ZNF575: variants seen among roughly 807,000 people sequenced by gnomAD.
The protein encoded by ZNF575 is zinc finger protein 575.
ZNF575 carries 17 observed loss-of-function variants against 17.5 expected under a neutral mutation model. The ratio of observed to expected loss-of-function variants is 0.97; its 90% confidence interval spans 0.66 to 1.45. The LOEUF (loss-of-function observed/expected upper bound fraction) is 1.45. Among genes scored for constraint, ZNF575 ranks in the 40% most tolerant of loss-of-function variants. The probability of loss-of-function intolerance (pLI) is 0.00; values close to 1 mark genes in which losing one functional copy is unlikely to be tolerated. For missense variants in ZNF575, 352 were observed against 359.2 expected (o/e 0.98, Z 0.16); for synonymous variants, 146 against 158.3 (o/e 0.92, Z 0.58).
chr19:43,531,888 C>A, upstream of ZNF575: 1 of 662,380 alleles, frequency 1.5e-6, no homozygotes, highest in Non-Finnish European at 2.7e-6. Flanking sequence ...TGGGTGAGTC[C>A]CCACTCCCTA....
At chr19:43,533,020 T>C (rs1221693139), upstream of ZNF575, 1 of 146,656 alleles carries the variant, frequency 6.8e-6, no homozygotes, top group South Asian at 2.2e-4. Flanking sequence ...TGAAACTGCC[T>C]CTGGAGATGG....
intron 2 of ZNF575, 87 bp from the exon 3 acceptor site, chr19:43,534,250 G>A: frequency 3.3e-6 from 2 of 611,664 alleles, no homozygotes; most frequent in South Asian, 4.0e-5. Flanking sequence ...TGTGCTCTTA[G>A]GCTCCGCCTC....
At chr19:43,532,487 T>C (rs1335180289), upstream of ZNF575, among the ~76,000 whole-genome samples, 4 of 152,160 alleles carry the variant, frequency 2.6e-5, no homozygotes, top group Non-Finnish European at 5.9e-5. Context: ...CGCTCCATTT[T>C]ATAGATGAGG....
intron 3 of ZNF575, 43 bp downstream of exon 3, chr19:43,534,544 CG>C (rs937232880): frequency 7.2e-7 from 1 of 1,393,488 alleles, no homozygotes; most frequent in African/African-American, 1.5e-5. Flanking sequence ...TCTCCAGGAA[CG>C]GGGGCCAAAA....
rs934383437 is a variant in ZNF575, at chr19:43,534,440, G to C, written c.18G>C (p.Ala6=). The change falls in exon 3 of 4, where the codon GCG becomes GCC. Residue 6 remains alanine, a synonymous_variant. Coordinates refer to ENST00000314228, the MANE Select transcript of ZNF575 (RefSeq NM_174945.3). ...CCAGCAAGATGCTGGAGCGAGGCGC[G>C]GAGTCCGCGGCCGGGGCTACCGATC... MLERG[A]ESAAGATDPS... 3.9e-6 allele frequency: 6 copies of C among 1,553,380 alleles called. No homozygotes were observed. The highest frequency in any genetic ancestry group is 5.2e-6 in the Non-Finnish European group (6 of 1,150,748).
intron 3 of ZNF575, 89 bp from the exon 4 acceptor site, chr19:43,534,940 C>T: frequency 1.6e-6 from 2 of 1,240,748 alleles, no homozygotes; most frequent in East Asian, 3.1e-5. Flanking sequence ...CTTGGAGGAG[C>T]CCCACGAATA....
chr19:43,534,267 A>T, intron 2 of ZNF575, 70 bp from the exon 3 acceptor site: 1 of 683,190 alleles, frequency 1.5e-6, no homozygotes, highest in Non-Finnish European at 2.4e-6. Flanking sequence ...CCTCCCCGCT[A>T]AGCCTGCCCC....
At chr19:43,532,054 A>T (rs1972352260), upstream of ZNF575, among the ~76,000 whole-genome samples, 1 of 143,876 alleles carries the variant, frequency 7.0e-6, no homozygotes, top group African/African-American at 2.6e-5. Context: ...TTTGAGACGG[A>T]GTCTCACTCT....
chr19:43,535,643 C>A lies in ZNF575; in HGVS notation c.694C>A (p.Gln232Lys). The change falls in exon 4 of 4, where the codon CAA becomes AAA. Residue 232 changes from glutamine to lysine, a missense_variant. By Grantham distance (53) the Gln-to-Lys change is moderately conservative (BLOSUM62 1). Transcript: ENST00000314228. The part of the protein sequence containing the change: ...FGQRRLLLLH[Q>K]RSHHQVEHKG... ...CCAGAGACGCTTACTGCTCCTTCAT[C>A]AACGCAGCCACCACCAGGTGGAGCA... 6.2e-7 allele frequency: 1 copy of A among 1,613,146 alleles called. No homozygotes were observed. The highest frequency in any genetic ancestry group is 1.1e-5 in the South Asian group (1 of 91,030).
intron 3 of ZNF575, 45 bp from the exon 4 acceptor site, chr19:43,534,984 G>A: frequency 7.2e-7 from 1 of 1,390,822 alleles, no homozygotes; most frequent in Non-Finnish European, 9.2e-7. Context: ...CTAGGCCCAG[G>A]GCGTTGGCTG....
chr19:43,534,278 C>G (rs1435336309), intron 2 of ZNF575, 59 bp from the exon 3 acceptor site: 2 of 750,784 alleles, frequency 2.7e-6, no homozygotes, highest in East Asian at 6.3e-5. Flanking sequence ...AGCCTGCCCC[C>G]GCCTTAGCAT....
At chr19:43,531,941 A>AATTTT (rs1972349585), upstream of ZNF575, 14 of 173,050 alleles carry the variant, frequency 8.1e-5, no homozygotes, top group Non-Finnish European at 1.0e-4. Flanking sequence ...ATTAAGCCAG[A>AATTTT]CTTTTTTTTT....
intron 3 of ZNF575, among the ~76,000 whole-genome samples, chr19:43,534,724 G>A (rs911137203): frequency 1.1e-4 from 17 of 152,228 alleles, no homozygotes; most frequent in African/African-American, 3.6e-4. Context: ...GAAGGGACGG[G>A]TCAGGGATGA....
chr19:43,534,329 C>A lies in ZNF575; in HGVS notation c.-86-8C>A. On this transcript the variant is annotated splice_region_variant and splice_polypyrimidine_tract_variant and intron_variant, in intron 2 of 3. Coordinates refer to ENST00000314228, the MANE Select transcript of ZNF575 (RefSeq NM_174945.3). ...CTTGCTCCTAAACAGTGTGATCCCT[C>A]ATTTTAGGCCCTCCAACCCTATCCC... The A allele has an allele frequency of 8.1e-7, 1 of 1,228,332 alleles. No homozygotes were observed. Among genetic ancestry groups the A allele is most frequent in the Non-Finnish European group, 1.2e-6 (1 of 866,602 alleles). 76.1% of individuals were successfully genotyped at this position (1,228,332 alleles called of 1,614,324 possible).
At chr19:43,532,511 A>G (rs1028731822), upstream of ZNF575, among the ~76,000 whole-genome samples, 7 of 152,222 alleles carry the variant, frequency 4.6e-5, no homozygotes, top group South Asian at 2.1e-4. Flanking sequence ...CAGGCCTAGA[A>G]AGAGAGCTAG....
chr19:43,531,786 A>G (rs985127859), upstream of ZNF575: 1 of 670,564 alleles, frequency 1.5e-6, no homozygotes, highest in African/African-American at 1.8e-5. Context: ...TAATTATTTT[A>G]AAAACTTTTT....
chr19:43,534,992 C>A, intron 3 of ZNF575, 37 bp from the exon 4 acceptor site: 1 of 1,398,764 alleles, frequency 7.1e-7, no homozygotes, highest in Non-Finnish European at 9.2e-7. Flanking sequence ...AGGGCGTTGG[C>A]TGCTTCCTGG....
At chr19:43,532,606 G>T (rs1972357757), upstream of ZNF575, among the ~76,000 whole-genome samples, 1 of 152,120 alleles carries the variant, frequency 6.6e-6, no homozygotes, top group Non-Finnish European at 1.5e-5. Flanking sequence ...AAATAACCCC[G>T]CCAAACTCCC....
At chr19:43,534,897 G>C (rs1972392397) in intron 3 of ZNF575, 132 bp from the exon 4 acceptor site, 7 of 865,378 alleles carry the variant, frequency 8.1e-6, no homozygotes, top group Non-Finnish European at 4.8e-6. Flanking sequence ...AATTTGGGGA[G>C]TCTCAATGTG....
Sources: gnomAD v4.1 joint callset for allele counts (sites outside exome capture counted in the v4.1 genomes callset) on GRCh38, gnomAD v4.1.1 for gene constraint, MANE v1.5 for transcripts, NCBI Gene and HGNC (gene_info 2026-07-23, HGNC 2026-07-21) for gene names.